Variants in PTPRD observed in about 807,000 individuals in gnomAD.
PTPRD encodes the protein receptor-type tyrosine-protein phosphatase delta.
Under a neutral mutation model 214.5 loss-of-function variants are expected in PTPRD, and 34 were observed. The ratio of observed to expected loss-of-function variants is 0.16; its 90% CI spans 0.12 to 0.21. The LOEUF (loss-of-function observed/expected upper bound fraction) is 0.21. Ranked by LOEUF, PTPRD falls within the 10% of genes least tolerant of loss-of-function variation. PTPRD has a pLI of 1.00. For missense variants in PTPRD, 2,545 were observed against 2,398.7 expected, an observed-to-expected ratio of 1.06 and a Z score of -1.27; for synonymous variants, 1,128 against 845.7, an observed-to-expected ratio of 1.33 and a Z score of -5.79.
chr9:8,534,473 G>A (rs564006308), intron 14 of PTPRD, among the ~76,000 whole-genome samples: 137 of 151,934 alleles, frequency 9.0e-4, no homozygotes, highest in African/African-American at 3.1e-3. Context: ...ATATCTTACG[G>A]TTTGAGTCAT....
intron 7 of PTPRD, among the ~76,000 whole-genome samples, chr9:9,728,996 T>G (rs530353593): frequency 3.3e-5 from 5 of 152,240 alleles, no homozygotes; most frequent in East Asian, 1.9e-4. Flanking sequence ...TGCAGGTTAT[T>G]TGGTAAAAGT....
chr9:8,560,501 C>G (rs1166339689), intron 14 of PTPRD, among the ~76,000 whole-genome samples: 1 of 151,276 alleles, frequency 6.6e-6, no homozygotes, highest in Non-Finnish European at 1.5e-5. Context: ...TGTCAAGGCT[C>G]TTTCATATTA....
At chr9:9,730,941 G>C (rs1166355419) in intron 7 of PTPRD, among the ~76,000 whole-genome samples, 1 of 151,954 alleles carries the variant, frequency 6.6e-6, no homozygotes, top group African/African-American at 2.4e-5. Flanking sequence ...TTATTATTTT[G>C]ACCTCTTAAA....
At chr9:10,143,948 G>C (rs182840312) in intron 3 of PTPRD, among the ~76,000 whole-genome samples, 231 of 152,002 alleles carry the variant, frequency 1.5e-3, no homozygotes, top group African/African-American at 4.8e-3. Context: ...TACCTATTAG[G>C]TACAATGCTC....
chr9:10,390,142 C>T (rs1407917), intron 2 of PTPRD, among the ~76,000 whole-genome samples: 132,361 of 151,852 alleles, frequency 0.87, 57,719 homozygotes, highest in African/African-American at 0.91. Flanking sequence ...ACAGATTAAA[C>T]ACAACATAAT....
intron 11 of PTPRD, among the ~76,000 whole-genome samples, chr9:8,827,726 G>T (rs1394573546): frequency 6.6e-6 from 1 of 151,750 alleles, no homozygotes; most frequent in Non-Finnish European, 1.5e-5. Flanking sequence ...TAACCTATAG[G>T]GTATTTATCA....
At chr9:10,307,426 T>C (rs1483636997) in intron 3 of PTPRD, among the ~76,000 whole-genome samples, 4 of 152,252 alleles carry the variant, frequency 2.6e-5, no homozygotes, top group Middle Eastern at 3.4e-3. Flanking sequence ...TATGGCTGAA[T>C]AGTATTCCAT....
chr9:10,383,908 T>A (rs2097864337), intron 2 of PTPRD, among the ~76,000 whole-genome samples: 1 of 151,708 alleles, frequency 6.6e-6, no homozygotes, highest in Non-Finnish European at 1.5e-5. Context: ...TTTATCTATC[T>A]TAAGAATATT....
intron 35 of PTPRD, 49 bp downstream of exon 35, chr9:8,436,543 A>G (rs1355017181): frequency 2.1e-6 from 3 of 1,405,182 alleles, no homozygotes; most frequent in Non-Finnish European, 3.0e-6. Context: ...TCAAAAAAAG[A>G]GAAGAGTAAC....
chr9:9,305,600 C>T (rs1956882145), intron 9 of PTPRD, among the ~76,000 whole-genome samples: 2 of 152,048 alleles, frequency 1.3e-5, no homozygotes, highest in Non-Finnish European at 2.9e-5. Flanking sequence ...AATATGTCCA[C>T]CTAGAACCTC....
At chr9:10,006,913 T>G (rs955936748) in intron 4 of PTPRD, among the ~76,000 whole-genome samples, 8 of 152,078 alleles carry the variant, frequency 5.3e-5, no homozygotes, top group Non-Finnish European at 1.0e-4. Context: ...ATAGTCAAAA[T>G]TTCTTTTAAA....
chr9:9,030,105 C>T (rs572264355), intron 10 of PTPRD, among the ~76,000 whole-genome samples: 2 of 151,488 alleles, frequency 1.3e-5, no homozygotes, highest in African/African-American at 4.9e-5. Context: ...AAAATGCCAA[C>T]GAGAAAGAAC....
intron 3 of PTPRD, among the ~76,000 whole-genome samples, chr9:10,228,103 A>T (rs1169125773): frequency 6.6e-6 from 1 of 151,790 alleles, no homozygotes; most frequent in Non-Finnish European, 1.5e-5. Flanking sequence ...TTAGCTACTT[A>T]AAACTTTAAA....
chr9:8,890,871 A>G (rs1442857271), intron 11 of PTPRD, among the ~76,000 whole-genome samples: 1 of 152,164 alleles, frequency 6.6e-6, no homozygotes, highest in Non-Finnish European at 1.5e-5. Flanking sequence ...GGGCGTGAGA[A>G]GGCCACGTTC....
intron 19 of PTPRD, among the ~76,000 whole-genome samples, chr9:8,522,686 G>A (rs978942424): frequency 1.3e-5 from 2 of 152,144 alleles, no homozygotes; most frequent in African/African-American, 4.8e-5. Context: ...AGGTTTATGT[G>A]TGTTTAAGTA....
chr9:9,035,032 C>T (rs1311817917), intron 10 of PTPRD, among the ~76,000 whole-genome samples: 1 of 151,988 alleles, frequency 6.6e-6, no homozygotes, highest in Non-Finnish European at 1.5e-5. Flanking sequence ...TATTGTGGCT[C>T]ATAGAGTCTG....
intron 3 of PTPRD, among the ~76,000 whole-genome samples, chr9:10,292,791 T>C (rs1468269194): frequency 1.3e-5 from 2 of 151,950 alleles, no homozygotes; most frequent in Admixed American, 1.3e-4. Flanking sequence ...TCCACTATTT[T>C]ATTAAGCCCC....
chr9:10,124,279 T>C (rs903730388), intron 3 of PTPRD, among the ~76,000 whole-genome samples: 5 of 152,260 alleles, frequency 3.3e-5, no homozygotes, highest in African/African-American at 7.2e-5. Context: ...TTAGTTCATA[T>C]ACATTTAGTG....
intron 9 of PTPRD, among the ~76,000 whole-genome samples, chr9:9,382,559 A>C (rs964391804): frequency 6.6e-6 from 1 of 152,126 alleles, no homozygotes; most frequent in Non-Finnish European, 1.5e-5. Flanking sequence ...TCAAACAACC[A>C]CAAGGCATAT....
Sources: gnomAD v4.1 joint callset for allele counts (sites outside exome capture counted in the v4.1 genomes callset) on GRCh38, gnomAD v4.1.1 for gene constraint, MANE v1.5 for transcripts, NCBI Gene and HGNC (gene_info 2026-07-23, HGNC 2026-07-21) for gene names.